The following CDK19 variants were observed in gnomAD, a reference collection of about 807,000 sequenced individuals.
The protein encoded by CDK19 is cyclin dependent kinase 19.
A neutral mutation model predicts 68.3 loss-of-function variants in CDK19; 20 were observed. The observed-to-expected ratio is 0.29, with a 90% CI of 0.21 to 0.43. The LOEUF is 0.43. Ranked by LOEUF, CDK19 falls within the 20% of genes least tolerant of loss-of-function variation. The pLI is 1.00. For missense variants in CDK19, 339 were observed against 623.5 expected, an observed-to-expected ratio of 0.54 and a Z score of 4.86; for synonymous variants, 221 against 222.8, an observed-to-expected ratio of 0.99 and a Z score of 0.07.
intron 4 of CDK19, among the ~76,000 whole-genome samples, chr6:110,659,857 G>C (rs1781510100): frequency 6.6e-6 from 1 of 152,120 alleles, no homozygotes. Context: ...TTTCCAACCA[G>C]AACCGCCGCT....
At chr6:110,780,017 A>G (rs1780681127) in intron 1 of CDK19, among the ~76,000 whole-genome samples, 1 of 152,120 alleles carries the variant, frequency 6.6e-6, no homozygotes. Context: ...CAAGAGATTG[A>G]GACCATCCTG....
Position 110,728,082 on chromosome 6 carries a change from G to C in CDK19, c.204+18044C>G, listed in dbSNP as rs578251718. On this transcript the variant is annotated intron_variant, in intron 2 of 12. Transcript: ENST00000368911. ...AAGGTGGGGGATCACGAGGTCGGGA[G>C]TTCAAGACCAGCCTGAGCAACATGG... Among the ~76,000 whole-genome samples, 15 of 152,196 alleles carry C rather than the reference G, an allele frequency of 9.9e-5. No homozygotes were observed. The East Asian group carries it at 2.9e-3, about 29-fold the overall frequency.
At chr6:110,814,834 C>CG in intron 1 of CDK19, 175 bp downstream of exon 1, 1 of 825,072 alleles carries the variant, frequency 1.2e-6, no homozygotes, top group Non-Finnish European at 1.9e-6. Context: ...CGGGGCCGCG[C>CG]GGGGGAGGCG....
chr6:110,663,479 G>C (rs1781736690), intron 4 of CDK19, among the ~76,000 whole-genome samples: 1 of 152,200 alleles, frequency 6.6e-6, no homozygotes, highest in Admixed American at 6.5e-5. Context: ...CTCAAGATTA[G>C]TGAATCAAGA....
intron 1 of CDK19, chr6:110,814,715 C>T (rs1408633699): frequency 1.7e-6 from 1 of 602,712 alleles, no homozygotes; most frequent in Non-Finnish European, 3.1e-6. Context: ...TCCTCCACCG[C>T]GGTCCCAACT....
intron 2 of CDK19, among the ~76,000 whole-genome samples, chr6:110,732,865 G>C (rs1298071663): frequency 2.6e-5 from 4 of 152,080 alleles, no homozygotes; most frequent in African/African-American, 9.7e-5. Context: ...TCAGGAGTTT[G>C]AGACCAGCAT....
rs1010935223 is a variant in CDK19, at chr6:110,626,919, A to G, written c.791-74T>C. The stretch of plus-strand genomic sequence containing the variant: ...AATCTCCTAATTATGTTAGTTTATA[A>G]ATATACATTAAAATATGCTTTTGAG... On this transcript the variant is annotated intron_variant, in intron 7 of 12. Coordinates refer to ENST00000368911, the MANE Select transcript of CDK19 (RefSeq NM_015076.5). 5 of 1,398,218 alleles carry G rather than the reference A, an allele frequency of 3.6e-6. No homozygotes were observed. In the African/African-American group the frequency reaches 7.3e-5, roughly 21 times the overall value. The allele number at this position is 1,398,218 out of a possible 1,614,324, so 86.6% of individuals were successfully genotyped here.
At chr6:110,743,341 A>G (rs766001637) in intron 2 of CDK19, among the ~76,000 whole-genome samples, 1 of 152,162 alleles carries the variant, frequency 6.6e-6, no homozygotes, top group Non-Finnish European at 1.5e-5. Flanking sequence ...CAAACTCTCA[A>G]TAAGAATATG....
At position 110,623,271 on chromosome 6, in the gene CDK19, C is replaced by T. The variant is rs1778828522; in HGVS notation, c.933+19G>A. On this transcript the variant is annotated intron_variant, in intron 9 of 12. Transcript: ENST00000368911. ...TTTGTGCTGAGAATCAGATTTTAGT[C>T]TGGGAGAGAAGCACCTACCAAGAGG... The T allele has an allele frequency of 6.2e-7, 1 of 1,604,834 alleles. No homozygotes were observed. The highest frequency in any genetic ancestry group is 1.3e-5 in the African/African-American group (1 of 74,874).
chr6:110,727,004 C>G (rs1776361463), intron 2 of CDK19, among the ~76,000 whole-genome samples: 1 of 152,066 alleles, frequency 6.6e-6, no homozygotes, highest in Admixed American at 6.6e-5. Context: ...AACATTCTGT[C>G]AGAGAATAAT....
At chr6:110,743,804 T>C (rs1283118976) in intron 2 of CDK19, among the ~76,000 whole-genome samples, 4 of 152,164 alleles carry the variant, frequency 2.6e-5, no homozygotes, top group Non-Finnish European at 4.4e-5. Context: ...TTCCTATTAA[T>C]CAATACCTAA....
intron 4 of CDK19, among the ~76,000 whole-genome samples, chr6:110,658,110 G>C (rs551329373): frequency 3.6e-4 from 55 of 152,186 alleles, no homozygotes; most frequent in Non-Finnish European, 6.3e-4. Flanking sequence ...AAGAAACATT[G>C]TGTCTGATCT....
intron 5 of CDK19, among the ~76,000 whole-genome samples, chr6:110,638,337 A>G (rs66799074): frequency 0.1 from 15,306 of 152,188 alleles, 1,149 homozygotes; most frequent in Admixed American, 0.25. Context: ...TTAGAGGATT[A>G]TATTTAAGGT....
chr6:110,706,921 T>A (rs1774551663), intron 2 of CDK19: 1 of 156,040 alleles, frequency 6.4e-6, no homozygotes. Flanking sequence ...CTACTCCTCT[T>A]TCCCTTTGTC....
At chr6:110,778,432 T>C (rs923778654) in intron 1 of CDK19, among the ~76,000 whole-genome samples, 1 of 152,210 alleles carries the variant, frequency 6.6e-6, no homozygotes, top group Non-Finnish European at 1.5e-5. Flanking sequence ...TAAAGTACAA[T>C]TTTTGCCCCA....
chr6:110,755,480 C>G (rs771107215), intron 1 of CDK19, among the ~76,000 whole-genome samples: 1 of 152,084 alleles, frequency 6.6e-6, no homozygotes, highest in Non-Finnish European at 1.5e-5. Flanking sequence ...ACAGGGACTG[C>G]TATCAGGTAA....
chr6:110,794,022 T>C (rs1036542340), intron 1 of CDK19, among the ~76,000 whole-genome samples: 3 of 152,122 alleles, frequency 2.0e-5, no homozygotes, highest in Admixed American at 1.3e-4. Context: ...ATAAACAGCA[T>C]AGTTGTGTTC....
chr6:110,746,215 A>G lies in CDK19; in HGVS notation c.129-14T>C. The G allele has an allele frequency of 6.6e-7, 1 of 1,515,928 alleles. No individual in the cohort carries two copies. The highest frequency in any genetic ancestry group is 9.0e-7 in the Non-Finnish European group (1 of 1,107,760). 93.9% of individuals were successfully genotyped at this position (1,515,928 alleles called of 1,614,324 possible). A position where few individuals can be genotyped will look rare whatever the true frequency, so the allele number is the denominator to read the frequency against. On this transcript the variant is annotated splice_polypyrimidine_tract_variant and intron_variant, in intron 1 of 12. Transcript: ENST00000368911. ...TTTTCATCTTTTCTGCACATAAACA[A>G]AAAAACATCATTTTTCCATATATCA...
At chr6:110,759,447 AT>A (rs1482480011) in intron 1 of CDK19, among the ~76,000 whole-genome samples, 21 of 135,758 alleles carry the variant, frequency 1.5e-4, no homozygotes, top group African/African-American at 6.0e-4. Flanking sequence ...ATATATATAT[AT>A]ATAAATTAGC....
Sources: gnomAD v4.1 joint callset for allele counts (sites outside exome capture counted in the v4.1 genomes callset) on GRCh38, gnomAD v4.1.1 for gene constraint, MANE v1.5 for transcripts, NCBI Gene and HGNC (gene_info 2026-07-23, HGNC 2026-07-21) for gene names.